PRIM2: variants seen among roughly 807,000 people sequenced by gnomAD.
PRIM2 encodes the protein DNA primase large subunit.
A neutral mutation model predicts 67.3 loss-of-function variants in PRIM2; 39 were observed. The ratio of observed to expected loss-of-function variants is 0.58; its 90% CI spans 0.45 to 0.76. The LOEUF (loss-of-function observed/expected upper bound fraction) is 0.76, where lower values mean the gene tolerates loss of function less well. Ranked by LOEUF, PRIM2 falls within the 30% of genes least tolerant of loss-of-function variation. PRIM2 has a pLI of 0.00. For missense variants in PRIM2, 398 were observed against 598.7 expected (o/e 0.66, Z 3.50); for synonymous variants, 143 against 198.7 (o/e 0.72, Z 2.36).
intron 7 of PRIM2, among the ~76,000 whole-genome samples, chr6:57,401,577 G>C (rs1233106681): frequency 6.6e-6 from 1 of 152,152 alleles, no homozygotes; most frequent in Non-Finnish European, 1.5e-5. Context: ...TGGCACTCCT[G>C]GGCCTGCCCA....
At chr6:57,616,375 C>G (rs1216073277) in intron 12 of PRIM2, among the ~76,000 whole-genome samples, 1 of 152,060 alleles carries the variant, frequency 6.6e-6, no homozygotes, top group Non-Finnish European at 1.5e-5. Context: ...GAATTCACAC[C>G]TATGCCTGAC....
At chr6:57,344,795 T>C (rs1768615208) in intron 5 of PRIM2, among the ~76,000 whole-genome samples, 4 of 152,232 alleles carry the variant, frequency 2.6e-5, no homozygotes, top group African/African-American at 9.6e-5. Flanking sequence ...TTAGTGACAA[T>C]ATTTTAGAGT....
At chr6:57,293,247 A>C in the PRIM2 span, among the ~76,000 whole-genome samples, 2 of 152,360 alleles carry the variant, frequency 1.3e-5, no homozygotes, top group South Asian at 4.1e-4. Context: ...ACTCATCGTC[A>C]CTGCTCATTA....
rs1369764196 is a variant in PRIM2 at position 57,561,556 on chromosome 6, T to C, written c.1020+23931T>C. On this transcript the variant is annotated intron_variant, in intron 10 of 13. Coordinates refer to ENST00000615550, the MANE Select transcript of PRIM2 (RefSeq NM_000947.5). ...CCAATTCGCTCAAACTTTTCTTCTATAGTTCCCTCACCTCTCTCAGCCTTC... is the reference window on the plus strand; with the variant it reads ...CCAATTCGCTCAAACTTTTCTTCTACAGTTCCCTCACCTCTCTCAGCCTTC... Among the ~76,000 whole-genome samples the C allele has an allele frequency of 2.6e-5, 4 of 152,280 alleles. No individual in the cohort carries two copies. In the East Asian group the frequency reaches 5.8e-4, roughly 22 times the overall value.
At chr6:57,410,805 G>T (rs12527690) in intron 7 of PRIM2, among the ~76,000 whole-genome samples, 1 of 151,870 alleles carries the variant, frequency 6.6e-6, no homozygotes, top group African/African-American at 2.4e-5. Flanking sequence ...TTCTTGTCTT[G>T]TTCCTGAACT....
chr6:57,551,908 TG>T (rs1775411864), intron 10 of PRIM2, among the ~76,000 whole-genome samples: 3 of 152,238 alleles, frequency 2.0e-5, no homozygotes, highest in Admixed American at 6.5e-5. Flanking sequence ...ACTCTAGGCT[TG>T]GCATTTTTCT....
At chr6:57,463,173 A>G (rs1282277219) in intron 7 of PRIM2, among the ~76,000 whole-genome samples, 2 of 152,162 alleles carry the variant, frequency 1.3e-5, no homozygotes, top group African/African-American at 4.8e-5. Context: ...GTTGGTGACT[A>G]CCAGCATGTG....
chr6:57,585,121 T>G (rs1262567742), intron 10 of PRIM2, among the ~76,000 whole-genome samples: 50 of 152,344 alleles, frequency 3.3e-4, no homozygotes, highest in African/African-American at 1.1e-3. Context: ...TAAGCTCCTA[T>G]GAGGAGTTAG....
upstream of PRIM2, among the ~76,000 whole-genome samples, chr6:57,312,377 C>T (rs957121121): frequency 8.6e-5 from 13 of 151,992 alleles, no homozygotes; most frequent in African/African-American, 2.9e-4. Flanking sequence ...TGGCATGTGC[C>T]TGCAGTCCTA....
chr6:57,231,531 C>A, the PRIM2 span, among the ~76,000 whole-genome samples: 23 of 152,248 alleles, frequency 1.5e-4, no homozygotes, highest in South Asian at 3.1e-3. Context: ...CCACTCACAT[C>A]CAGATACTGA....
intron 11 of PRIM2, among the ~76,000 whole-genome samples, chr6:57,605,602 GA>G (rs1196160539): frequency 2.6e-5 from 4 of 151,580 alleles, no homozygotes; most frequent in Admixed American, 6.6e-5. Context: ...CTGTATGACT[GA>G]AAAAAAAGAC....
chr6:57,579,561 TCAG>T (rs1776040592), intron 10 of PRIM2, among the ~76,000 whole-genome samples: 1 of 152,136 alleles, frequency 6.6e-6, no homozygotes, highest in Non-Finnish European at 1.5e-5. Context: ...ATTTAATCCT[TCAG>T]CAATTTAGTT....
chr6:57,454,595 A>G (rs1253238057), intron 7 of PRIM2, among the ~76,000 whole-genome samples: 1 of 152,094 alleles, frequency 6.6e-6, no homozygotes, highest in Non-Finnish European at 1.5e-5. Flanking sequence ...GTATTCTCTG[A>G]TGGTAGTTTG....
chr6:57,234,093 AT>A, the PRIM2 span, among the ~76,000 whole-genome samples: 1 of 152,214 alleles, frequency 6.6e-6, no homozygotes, highest in Admixed American at 6.5e-5. Context: ...GATAGACTAA[AT>A]TTCTTTCAAA....
At chr6:57,225,142 G>A in the PRIM2 span, among the ~76,000 whole-genome samples, 3 of 151,980 alleles carry the variant, frequency 2.0e-5, no homozygotes, top group African/African-American at 7.3e-5. Flanking sequence ...TAAAAAAATG[G>A]TATATAAGCT....
At chr6:57,420,048 CA>C (rs1379560087) in intron 7 of PRIM2, among the ~76,000 whole-genome samples, 1 of 152,180 alleles carries the variant, frequency 6.6e-6, no homozygotes, top group Non-Finnish European at 1.5e-5. Context: ...TTGGTGGCAG[CA>C]GTGTCTTTTT....
At chr6:57,409,960 G>A (rs1239768400) in intron 7 of PRIM2, among the ~76,000 whole-genome samples, 34 of 152,112 alleles carry the variant, frequency 2.2e-4, no homozygotes, top group African/African-American at 7.7e-4. Flanking sequence ...CCATGTTTTG[G>A]TTAGGTTTTA....
chr6:57,379,894 T>C lies in PRIM2; in HGVS notation c.460-7T>C, dbSNP rs774723770. ...TTTTTGTAACAGCTTAAAATATGTT[T>C]TTTTAGATAAGTGATGAAGAGAAGA... is the stretch of plus-strand genomic sequence containing the variant. On this transcript the variant is annotated splice_polypyrimidine_tract_variant and splice_region_variant and intron_variant, in intron 5 of 13. Transcript: ENST00000615550. 9.1e-5 allele frequency: 140 copies of C among 1,534,826 alleles called. No individual in the cohort carries two copies. The South Asian group carries it at 1.4e-3, about 16-fold the overall frequency.
the PRIM2 span, among the ~76,000 whole-genome samples, chr6:57,255,489 C>T: frequency 1.5e-5 from 2 of 133,306 alleles, no homozygotes; most frequent in East Asian, 2.1e-4. Context: ...CAGAGCAGGA[C>T]TCTATCTCAA....
Sources: allele counts gnomAD v4.1 joint callset (sites outside exome capture counted in the v4.1 genomes callset), GRCh38; gene constraint gnomAD v4.1.1; transcripts MANE v1.5; gene names NCBI Gene and HGNC (gene_info 2026-07-23, HGNC 2026-07-21).